IPP: variants seen among roughly 807,000 people sequenced by gnomAD.
IPP encodes the protein actin-binding protein IPP.
A neutral mutation model predicts 64.1 loss-of-function variants in IPP; 41 were observed. The observed-to-expected ratio is 0.64, with a 90% confidence interval of 0.50 to 0.83. The LOEUF (loss-of-function observed/expected upper bound fraction) is 0.83. Ranked by LOEUF, IPP falls within the 40% of genes least tolerant of loss-of-function variation. The probability of loss-of-function intolerance (pLI) is 0.00; values close to 1 mark genes in which losing one functional copy is unlikely to be tolerated. For missense variants in IPP, 649 were observed against 703.0 expected (o/e 0.92, Z 0.87); for synonymous variants, 214 against 235.2 (o/e 0.91, Z 0.83).
At chr1:45,698,399 C>G (rs1645406182), downstream of IPP, among the ~76,000 whole-genome samples, 1 of 152,166 alleles carries the variant, frequency 6.6e-6, no homozygotes, top group Non-Finnish European at 1.5e-5. Context: ...GTAAATCTTT[C>G]TCTTAGAAAT....
intron 3 of IPP, among the ~76,000 whole-genome samples, chr1:45,740,237 C>T (rs933945167): frequency 7.9e-5 from 12 of 152,222 alleles, no homozygotes; most frequent in African/African-American, 2.7e-4. Context: ...TACACAGACA[C>T]AGCAACCATC....
At chr1:45,726,556 G>C (rs956495926) in intron 5 of IPP, among the ~76,000 whole-genome samples, 1 of 151,970 alleles carries the variant, frequency 6.6e-6, no homozygotes. Context: ...CATAAAAACA[G>C]TTTTACAAAA....
chr1:45,734,052 C>T (rs1480761710), intron 3 of IPP, among the ~76,000 whole-genome samples: 1 of 151,750 alleles, frequency 6.6e-6, no homozygotes, highest in Non-Finnish European at 1.5e-5. Flanking sequence ...AACATCAAAT[C>T]CATTTAAATT....
At chr1:45,725,938 G>T (rs1645819155) in intron 5 of IPP, among the ~76,000 whole-genome samples, 1 of 126,656 alleles carries the variant, frequency 7.9e-6, no homozygotes, top group Non-Finnish European at 1.7e-5. Flanking sequence ...AGTACCCAGG[G>T]ACACAAACAC....
At chr1:45,724,433 G>T (rs1645778533) in intron 5 of IPP, among the ~76,000 whole-genome samples, 1 of 151,982 alleles carries the variant, frequency 6.6e-6, no homozygotes, top group Non-Finnish European at 1.5e-5. Flanking sequence ...TCTCTGCCTG[G>T]CCGCCCATCG....
chr1:45,724,707 C>T (rs1645785817), intron 5 of IPP, among the ~76,000 whole-genome samples: 2 of 151,450 alleles, frequency 1.3e-5, no homozygotes, highest in East Asian at 2.0e-4. Flanking sequence ...TCTGCCCGGC[C>T]GCCCCGTCTG....
chr1:45,730,582 G>A (rs1245628800), intron 3 of IPP, among the ~76,000 whole-genome samples: 3 of 152,198 alleles, frequency 2.0e-5, no homozygotes, highest in South Asian at 4.1e-4. Flanking sequence ...CATATGATGA[G>A]GTAGGTTGTC....
At chr1:45,740,764 T>C (rs1427416383) in intron 3 of IPP, 137 bp downstream of exon 3, 2 of 568,292 alleles carry the variant, frequency 3.5e-6, no homozygotes, top group Non-Finnish European at 6.0e-6. Context: ...CAATACATTT[T>C]AAAAAAAGAA....
intron 3 of IPP, among the ~76,000 whole-genome samples, chr1:45,738,969 T>C (rs965331304): frequency 1.3e-5 from 2 of 151,876 alleles, no homozygotes; most frequent in East Asian, 1.9e-4. Context: ...CTAGGAGCAA[T>C]TGTTCAGTAT....
chr1:45,725,162 T>TG (rs1436872551), intron 5 of IPP, among the ~76,000 whole-genome samples: 1 of 30,694 alleles, frequency 3.3e-5, no homozygotes, highest in East Asian at 8.9e-4. Flanking sequence ...GGGAGTGGGG[T>TG]GGGGGGTCAG....
downstream of IPP, among the ~76,000 whole-genome samples, chr1:45,695,170 G>GT (rs201259543): frequency 6.1e-4 from 92 of 150,190 alleles, 1 homozygote; most frequent in East Asian, 0.017. Context: ...TTTTGTTTTT[G>GT]TTTTGTTTTG....
At chr1:45,735,688 G>A (rs1449305969) in intron 3 of IPP, among the ~76,000 whole-genome samples, 1 of 136,430 alleles carries the variant, frequency 7.3e-6, no homozygotes, top group South Asian at 2.3e-4. Flanking sequence ...GGAGTGCAGT[G>A]GTGCGATCTT....
chr1:45,741,100 G>A lies in IPP; in HGVS notation c.525C>T (p.Phe175=), dbSNP rs754695619. Residue 175 remains phenylalanine, a synonymous_variant, in exon 3 of 9, where the codon TTC becomes TTT. Transcript: ENST00000396478. ...TCAGCTGATCTTTCGTAAGTGCCAGGAACTCTTCTCCACTATGAACCTCCA... is the reference window on the plus strand; with the variant it reads ...TCAGCTGATCTTTCGTAAGTGCCAGAAACTCTTCTCCACTATGAACCTCCA... ...HFLEVHSGEE[F]LALTKDQLIK... The A allele has an allele frequency of 1.9e-6, 3 of 1,614,078 alleles. No homozygotes were observed. Among genetic ancestry groups the A allele is most frequent in the East Asian group, 2.2e-5 (1 of 44,866 alleles).
intron 2 of IPP, among the ~76,000 whole-genome samples, chr1:45,744,272 C>T (rs2148584398): frequency 6.6e-6 from 1 of 152,254 alleles, no homozygotes; most frequent in Admixed American, 6.5e-5. Flanking sequence ...CCATCTCAGC[C>T]TTTCAAATCT....
chr1:45,709,542 G>A (rs879171276), intron 8 of IPP, among the ~76,000 whole-genome samples: 1 of 149,950 alleles, frequency 6.7e-6, no homozygotes, highest in Non-Finnish European at 1.5e-5. Context: ...AAACATATGG[G>A]TATTTATAAA....
At chr1:45,746,906 C>T (rs1266661089) in intron 1 of IPP, among the ~76,000 whole-genome samples, 3 of 152,162 alleles carry the variant, frequency 2.0e-5, no homozygotes, top group Non-Finnish European at 2.9e-5. Flanking sequence ...CAAAGCCCTT[C>T]GGGATTCTTG....
At position 45,699,743 on chromosome 1, in the gene IPP, A is replaced by C. The variant is rs1208337957; in HGVS notation, c.*223T>G. 1 of 1,284,234 alleles carries C rather than the reference A, an allele frequency of 7.8e-7. No homozygotes were observed. Among genetic ancestry groups the C allele is most frequent in the African/African-American group, 1.5e-5 (1 of 67,024 alleles). The allele number at this position is 1,284,234 out of a possible 1,614,324, so 79.6% of individuals were successfully genotyped here. On this transcript the variant is annotated 3_prime_UTR_variant, in exon 9 of 9. Transcript: ENST00000396478. The stretch of plus-strand genomic sequence containing the variant: ...AGTGGCATGATCGTAGCTTACTACA[A>C]CCTCAAATTCCTGGGCTCAAGTGAT...
chr1:45,749,462 G>A (rs1288517821), intron 1 of IPP, among the ~76,000 whole-genome samples: 2 of 151,916 alleles, frequency 1.3e-5, no homozygotes, highest in African/African-American at 4.8e-5. Context: ...AGCACTTTGG[G>A]ATGTCCTGTC....
rs149554213 is a variant in IPP, at chr1:45,747,625, C to A, written c.-50-1164G>T. Among the ~76,000 whole-genome samples the A allele has an allele frequency of 1.3e-3, 198 of 151,924 alleles. 1 individual carries two copies. Among genetic ancestry groups the A allele is most frequent in the Admixed American group, 0.01 (158 of 15,256 alleles). ...TGAGGATCACTTGAATCCAGGAGTT[C>A]GAGACCAACCTGACCAACATGACAA... On this transcript the variant is annotated intron_variant, in intron 1 of 8. Transcript: ENST00000396478.
Sources: gnomAD v4.1 joint callset for allele counts (sites outside exome capture counted in the v4.1 genomes callset) on GRCh38, gnomAD v4.1.1 for gene constraint, MANE v1.5 for transcripts, NCBI Gene and HGNC (gene_info 2026-07-23, HGNC 2026-07-21) for gene names.